Variants in SEC11A observed in about 807,000 individuals in gnomAD.
SEC11A encodes SEC11 homolog A, signal peptidase complex subunit, also known as signal peptidase complex catalytic subunit SEC11A.
Under a neutral mutation model 25.6 loss-of-function variants are expected in SEC11A, and 14 were observed. That is an observed-to-expected ratio of 0.55 (90% CI 0.36 to 0.85). The LOEUF is 0.85. SEC11A is among the 40% of genes least tolerant of loss of function. SEC11A has a pLI of 0.01. For missense variants in SEC11A, 153 were observed against 222.9 expected, an observed-to-expected ratio of 0.69 and a Z score of 2.00; for synonymous variants, 83 against 76.4, an observed-to-expected ratio of 1.09 and a Z score of -0.45.
chr15:84,686,867 T>TATTC (rs1897441529), intron 3 of SEC11A: 2 of 151,868 alleles, frequency 1.3e-5, no homozygotes, highest in African/African-American at 4.8e-5. Flanking sequence ...CCCAGCTAAT[T>TATTC]ATTTATTTAT....
intron 1 of SEC11A, among the ~76,000 whole-genome samples, chr15:84,702,075 GATA>G (rs555564613): frequency 1.3e-5 from 2 of 150,028 alleles, no homozygotes; most frequent in African/African-American, 2.5e-5. Flanking sequence ...CAATAACAAT[GATA>G]ATAATAATAA....
At chr15:84,690,958 T>TATTAAGGGATGTGACAAAAACA (rs1897586539) in intron 2 of SEC11A, among the ~76,000 whole-genome samples, 1 of 152,136 alleles carries the variant, frequency 6.6e-6, no homozygotes, top group East Asian at 1.9e-4. Flanking sequence ...CGAGACACTT[T>TATTAAGGGATGTGACAAAAACA]ATTAAGGGAT....
intron 1 of SEC11A, among the ~76,000 whole-genome samples, chr15:84,704,202 T>C (rs551836858): frequency 1.3e-5 from 2 of 152,324 alleles, no homozygotes; most frequent in African/African-American, 4.8e-5. Flanking sequence ...GTCCTTAGTA[T>C]TTCTGTCAAA....
At chr15:84,693,201 T>C (rs921864016) in intron 1 of SEC11A, among the ~76,000 whole-genome samples, 5 of 151,780 alleles carry the variant, frequency 3.3e-5, no homozygotes, top group East Asian at 3.9e-4. Context: ...TTCAATGTCA[T>C]GGAAAAAAAG....
At position 84,716,101 on chromosome 15, in the gene SEC11A, G is replaced by C. The variant is rs758986293; in HGVS notation, c.-26C>G. 2 of 1,611,716 alleles carry C rather than the reference G, an allele frequency of 1.2e-6. No homozygotes were observed. The highest frequency in any genetic ancestry group is 1.7e-6 in the Non-Finnish European group (2 of 1,178,398). ...GGCGGGGACGGCGAGCAGGACACCG[G>C]CAGGGGAAAGGGCGCGATGACCAGC... On this transcript the variant is annotated 5_prime_UTR_variant, in exon 1 of 6. Transcript: ENST00000268220.
At chr15:84,678,993 C>CA (rs547897320) in intron 4 of SEC11A, among the ~76,000 whole-genome samples, 142 of 112,022 alleles carry the variant, frequency 1.3e-3, no homozygotes, top group Middle Eastern at 4.8e-3. Flanking sequence ...AGACTGTCTC[C>CA]AAAAAAAAAA....
intron 1 of SEC11A, among the ~76,000 whole-genome samples, chr15:84,711,051 C>G (rs1240593671): frequency 6.7e-6 from 1 of 148,242 alleles, no homozygotes; most frequent in Non-Finnish European, 1.5e-5. Context: ...GCCTGCAAAA[C>G]AGAGCAAGAC....
At chr15:84,677,461 T>G (rs1897165273) in intron 4 of SEC11A, among the ~76,000 whole-genome samples, 1 of 151,666 alleles carries the variant, frequency 6.6e-6, no homozygotes, top group African/African-American at 2.4e-5. Flanking sequence ...TGTGGAATTT[T>G]TTCTTTTCTT....
In SEC11A at chr15:84,683,770, C is replaced by A. The variant is rs376561800; in HGVS notation, c.312-2938G>T. ...GAACTCCTGACCTCAGGTGATCCGC[C>A]CTCCTCGGCCTCCCAAAGTGCTGGG... On this transcript the variant is annotated intron_variant, in intron 3 of 5. Coordinates refer to ENST00000268220, the MANE Select transcript of SEC11A (RefSeq NM_014300.4). Among the ~76,000 whole-genome samples the A allele has an allele frequency of 3.0e-4, 46 of 152,130 alleles. 1 individual carries two copies. In the East Asian group the frequency reaches 6.8e-3, roughly 22 times the overall value.
At chr15:84,685,326 C>T (rs1481341180) in intron 3 of SEC11A, among the ~76,000 whole-genome samples, 3 of 151,926 alleles carry the variant, frequency 2.0e-5, no homozygotes, top group East Asian at 1.9e-4. Context: ...GGCATGATCT[C>T]GGCTCACTGC....
intron 4 of SEC11A, chr15:84,679,855 A>T: frequency 9.5e-7 from 1 of 1,055,220 alleles, no homozygotes; most frequent in Non-Finnish European, 1.4e-6. Context: ...AGCCCTAATA[A>T]ACGTGAGTTA....
intron 4 of SEC11A, chr15:84,679,343 C>T (rs975177055): frequency 3.9e-5 from 27 of 693,352 alleles, no homozygotes; most frequent in Admixed American, 2.9e-4. Flanking sequence ...TTCCTTAAAG[C>T]GGGGACATAT....
chr15:84,683,709 G>C (rs2035682983), intron 3 of SEC11A, among the ~76,000 whole-genome samples: 1 of 152,104 alleles, frequency 6.6e-6, no homozygotes, highest in Non-Finnish European at 1.5e-5. Context: ...ATTATTAGTA[G>C]AGACAGGGTT....
At chr15:84,694,559 A>G (rs1279547667) in intron 1 of SEC11A, among the ~76,000 whole-genome samples, 1 of 152,168 alleles carries the variant, frequency 6.6e-6, no homozygotes, top group Non-Finnish European at 1.5e-5. Context: ...CAGGCCACCT[A>G]CATCAACCAT....
intron 4 of SEC11A, among the ~76,000 whole-genome samples, chr15:84,678,061 G>A (rs1442772752): frequency 6.6e-6 from 1 of 152,096 alleles, no homozygotes; most frequent in African/African-American, 2.4e-5. Flanking sequence ...GCCAGGAATT[G>A]TGGCACACAC....
intron 1 of SEC11A, among the ~76,000 whole-genome samples, chr15:84,697,352 C>T (rs1184918073): frequency 6.6e-6 from 1 of 152,154 alleles, no homozygotes; most frequent in African/African-American, 2.4e-5. Context: ...CCATAATTAT[C>T]CTTCTCCTTT....
chr15:84,693,941 AG>A (rs1335559508), intron 1 of SEC11A, among the ~76,000 whole-genome samples: 1 of 152,222 alleles, frequency 6.6e-6, no homozygotes. Context: ...CACACACATA[AG>A]TATACATAGA....
intron 3 of SEC11A, among the ~76,000 whole-genome samples, chr15:84,683,054 C>T (rs1897320433): frequency 6.6e-6 from 1 of 151,736 alleles, no homozygotes; most frequent in Non-Finnish European, 1.5e-5. Context: ...TAAGTGCAAA[C>T]AGTCACATTA....
chr15:84,704,352 T>G (rs758153467), intron 1 of SEC11A, among the ~76,000 whole-genome samples: 1 of 152,298 alleles, frequency 6.6e-6, no homozygotes, highest in African/African-American at 2.4e-5. Context: ...CTAGTCTTAC[T>G]ATGTCCCTCA....
Sources: gnomAD v4.1 joint callset for allele counts (sites outside exome capture counted in the v4.1 genomes callset) on GRCh38, gnomAD v4.1.1 for gene constraint, MANE v1.5 for transcripts, NCBI Gene and HGNC (gene_info 2026-07-23, HGNC 2026-07-21) for gene names.